Variants in UHRF1 observed in about 807,000 individuals in gnomAD.
The protein encoded by UHRF1 is ubiquitin like with PHD and ring finger domains 1.
UHRF1 carries 9 observed loss-of-function variants against 96.5 expected under a neutral mutation model. The observed-to-expected ratio is 0.09, with a 90% CI of 0.06 to 0.16. The LOEUF is 0.16. Among genes scored for constraint, UHRF1 ranks in the 10% least tolerant of loss-of-function variants. The pLI is 1.00. For synonymous variants in UHRF1, 455 were observed against 469.9 expected, an observed-to-expected ratio of 0.97 and a Z score of 0.41; for missense variants, 626 against 1,131.1, an observed-to-expected ratio of 0.55 and a Z score of 6.40.
At chr19:4,910,475 C>T (rs1377072348) in intron 1 of UHRF1, 6 of 156,556 alleles carry the variant, frequency 3.8e-5, no homozygotes, top group African/African-American at 1.2e-4. Context: ...CCGCGCTGGA[C>T]TTCTGGGATT....
intron 7 of UHRF1, 138 bp downstream of exon 7, chr19:4,942,069 G>C: frequency 1.0e-6 from 1 of 987,884 alleles, no homozygotes; most frequent in Non-Finnish European, 1.4e-6. Flanking sequence ...GCCGAGGCGG[G>C]AGGATCACTT....
At chr19:4,916,142 T>C (rs900775226) in intron 2 of UHRF1, among the ~76,000 whole-genome samples, 1 of 151,928 alleles carries the variant, frequency 6.6e-6, no homozygotes, top group African/African-American at 2.4e-5. Context: ...ACCCCGTCTC[T>C]ACAAAAAATG....
At chr19:4,932,660 C>CTCTGCACACTGTCGGGAGG in intron 4 of UHRF1, 81 bp from the exon 5 acceptor site, 1 of 1,496,566 alleles carries the variant, frequency 6.7e-7, no homozygotes, top group Non-Finnish European at 9.2e-7. Context: ...CGGGAGGGGC[C>CTCTGCACACTGTCGGGAGG]GTCCCACCTC....
intron 5 of UHRF1, among the ~76,000 whole-genome samples, chr19:4,936,897 C>T (rs2033232388): frequency 6.6e-6 from 1 of 151,906 alleles, no homozygotes; most frequent in African/African-American, 2.4e-5. Flanking sequence ...ATAAACTATA[C>T]TGTGTTATCA....
chr19:4,914,351 A>C (rs1208758702), intron 2 of UHRF1, among the ~76,000 whole-genome samples: 1 of 152,184 alleles, frequency 6.6e-6, no homozygotes, highest in Non-Finnish European at 1.5e-5. Context: ...CCCGGTGGGC[A>C]CAAATGGGCA....
chr19:4,923,574 G>A (rs914453146), intron 2 of UHRF1, among the ~76,000 whole-genome samples: 6 of 152,192 alleles, frequency 3.9e-5, no homozygotes, highest in East Asian at 3.9e-4. Context: ...TGCTCACGCC[G>A]CTCTGGCAGA....
chr19:4,953,529 TCATAGCTCACTA>T (rs1470625934), intron 13 of UHRF1, among the ~76,000 whole-genome samples: 2 of 152,108 alleles, frequency 1.3e-5, no homozygotes, highest in Non-Finnish European at 2.9e-5. Flanking sequence ...AGTGGTGTGA[TCATAGCTCACTA>T]CAGCCTCAAA....
chr19:4,939,169 C>G (rs1428776092), intron 5 of UHRF1, among the ~76,000 whole-genome samples: 4 of 150,870 alleles, frequency 2.7e-5, no homozygotes, highest in Admixed American at 6.6e-5. Flanking sequence ...CCACCCGCCT[C>G]AGCCTCCCAA....
chr19:4,940,958 C>G lies in UHRF1; in HGVS notation c.786-570C>G, dbSNP rs192059389. ...AAAGTGTTGGAATTACAGGTCTGAG[C>G]TACCATGCCCGGCCAACCTTTATGA... On this transcript the variant is annotated intron_variant, in intron 5 of 16. Transcript: ENST00000650932. Among the ~76,000 whole-genome samples the G allele has an allele frequency of 1.1e-3, 168 of 152,014 alleles. 2 individuals are homozygous for G. Among genetic ancestry groups the G allele is most frequent in the African/African-American group, 3.7e-3 (153 of 41,472 alleles).
chr19:4,939,757 G>A (rs1228722590), intron 5 of UHRF1, among the ~76,000 whole-genome samples: 1 of 152,182 alleles, frequency 6.6e-6, no homozygotes, highest in South Asian at 2.1e-4. Context: ...AGGCGCAGTG[G>A]CTCATGCCTG....
At chr19:4,907,355 C>T (rs935789584), upstream of UHRF1, among the ~76,000 whole-genome samples, 4 of 152,208 alleles carry the variant, frequency 2.6e-5, no homozygotes, top group Middle Eastern at 3.4e-3. Context: ...CTGGAACCTC[C>T]GCTTCCCAGG....
Position 4,932,671 on chromosome 19 carries a change from G to C in UHRF1, c.570-70G>C, listed in dbSNP as rs772624573. The C allele has an allele frequency of 3.2e-6, 5 of 1,557,220 alleles. No individual in the cohort carries two copies. The South Asian group carries it at 3.5e-5, about 11-fold the overall frequency. ...CTGTCGGGAGGGGCCGTCCCACCTC[G>C]GCTCGTTTCCCATTGAGGGAAGGAG... On this transcript the variant is annotated intron_variant, in intron 4 of 16. Coordinates refer to ENST00000650932, the MANE Select transcript of UHRF1 (RefSeq NM_001048201.3).
intron 2 of UHRF1, among the ~76,000 whole-genome samples, chr19:4,922,947 C>T (rs1037518552): frequency 6.6e-6 from 1 of 152,244 alleles, no homozygotes; most frequent in African/African-American, 2.4e-5. Flanking sequence ...GGAGGGGCGA[C>T]CCGTCAGGCC....
At position 4,941,840 on chromosome 19, in the gene UHRF1, G is replaced by A. The variant is rs1027058439; in HGVS notation, c.982G>A (p.Asp328Asn). 6.3e-7 allele frequency: 1 copy of A among 1,575,162 alleles called. No individual in the cohort carries two copies. The highest frequency in any genetic ancestry group is 2.3e-5 in the East Asian group (1 of 43,356). The change falls in exon 7 of 17, where the codon GAC becomes AAC. Residue 328 changes from aspartate (D) to asparagine (N), a missense_variant. Transcript: ENST00000650932. Reference protein sequence around the residue: ...CHLCGGRQDPDKQLMCDECDM... With the variant: ...CHLCGGRQDPNKQLMCDECDM... ...CCTGTGCGGGGGCCGGCAGGACCCC[G>A]ACAAGCAGCTCATGTGCGATGAGTG... is the stretch of plus-strand genomic sequence containing the variant.
intron 2 of UHRF1, among the ~76,000 whole-genome samples, chr19:4,919,941 C>T (rs1011129520): frequency 4.6e-5 from 7 of 152,138 alleles, no homozygotes; most frequent in African/African-American, 1.4e-4. Flanking sequence ...CCTCAGCCTC[C>T]CGAGTAGCTG....
chr19:4,910,867 TC>T lies in UHRF1; in HGVS notation c.-10-5del. The T allele has an allele frequency of 6.3e-7, 1 of 1,594,362 alleles. No homozygotes were observed. On this transcript the variant is annotated splice_polypyrimidine_tract_variant and splice_region_variant and intron_variant, in intron 1 of 16. Transcript: ENST00000650932. ...AACTGATGGGGGTTTTTGCTGTCCCTCCCCTCAGCGCCGACACCATGTGGAT... is the reference window on the plus strand; with the variant it reads ...AACTGATGGGGGTTTTTGCTGTCCCTCCCTCAGCGCCGACACCATGTGGAT...
intron 7 of UHRF1, among the ~76,000 whole-genome samples, chr19:4,942,892 C>T (rs996001022): frequency 3.3e-5 from 5 of 152,074 alleles, no homozygotes; most frequent in African/African-American, 7.2e-5. Flanking sequence ...GAACTGTGAT[C>T]GCGCCACTGT....
chr19:4,934,877 A>C (rs2146342261), intron 5 of UHRF1, among the ~76,000 whole-genome samples: 1 of 151,880 alleles, frequency 6.6e-6, no homozygotes, highest in East Asian at 1.9e-4. Flanking sequence ...TGTGGTGTGG[A>C]ATTGGTCTTT....
Position 4,941,503 on chromosome 19 carries a change from G to A in UHRF1, c.786-25G>A, listed in dbSNP as rs778978709. On this transcript the variant is annotated intron_variant, in intron 5 of 16. Coordinates refer to ENST00000650932, the MANE Select transcript of UHRF1 (RefSeq NM_001048201.3). ...TTTAGGGGCCTCGGCAGGCCAGAAT[G>A]TTCCAGCGTCCTCGTTCCTTGCAGG... The A allele has an allele frequency of 2.3e-5, 36 of 1,594,662 alleles. 1 individual carries two copies. The Middle Eastern group carries it at 5.0e-4, about 22-fold the overall frequency.
Sources: gnomAD v4.1 joint callset for allele counts (sites outside exome capture counted in the v4.1 genomes callset) on GRCh38, gnomAD v4.1.1 for gene constraint, MANE v1.5 for transcripts, NCBI Gene and HGNC (gene_info 2026-07-23, HGNC 2026-07-21) for gene names.